Variants in MYO15B observed in about 807,000 individuals in gnomAD.
MYO15B encodes myosin XVB pseudogene.
In MYO15B, 207 loss-of-function variants were observed where a neutral mutation model predicts 119.3. That is an observed-to-expected ratio of 1.73 (90% CI 1.55 to 1.95). The LOEUF is 1.95. Among genes scored for constraint, MYO15B ranks in the 30% most tolerant of loss-of-function variants. The probability of loss-of-function intolerance (pLI) is 0.00; values close to 1 mark genes in which losing one functional copy is unlikely to be tolerated. For missense variants in MYO15B, 2,264 were observed against 1,203.1 expected (o/e 1.88, Z -13.04); for synonymous variants, 966 against 498.9 (o/e 1.94, Z -12.48).
intron 52 of MYO15B, 43 bp downstream of exon 52, chr17:75,621,613 C>G: frequency 2.9e-6 from 2 of 690,986 alleles, no homozygotes; most frequent in Non-Finnish European, 5.3e-6. Context: ...TCTGCAGTGC[C>G]ATGAACCTGG....
intron 4 of MYO15B, 115 bp from the exon 5 acceptor site, chr17:75,591,486 T>G: frequency 1.5e-6 from 1 of 662,056 alleles, no homozygotes. Flanking sequence ...TCCACATTTA[T>G]GGGGGTCTCT....
intron 9 of MYO15B, among the ~76,000 whole-genome samples, chr17:75,593,330 C>G (rs1216080807): frequency 6.6e-6 from 1 of 151,078 alleles, no homozygotes; most frequent in Non-Finnish European, 1.5e-5. Flanking sequence ...ATGGCAAAAT[C>G]TTGTCTCTAC....
chr17:75,611,967 C>A (rs1278608406), exon 25 of MYO15B: 1 of 703,048 alleles, frequency 1.4e-6, no homozygotes, highest in Admixed American at 2.0e-5. Context: ...ACTCTCCCAG[C>A]AGACATTGAC....
chr17:75,610,746 G>A (rs1286293043), intron 22 of MYO15B, 154 bp from the exon 23 acceptor site: 1 of 624,242 alleles, frequency 1.6e-6, no homozygotes, highest in Admixed American at 2.4e-5. Context: ...GGGCCCTGGA[G>A]GGCCAGGGGT....
chr17:75,613,189 C>T, exon 27 of MYO15B: 1 of 697,920 alleles, frequency 1.4e-6, no homozygotes, highest in Non-Finnish European at 2.6e-6. Flanking sequence ...CACTGCCTGT[C>T]CTACAGAAGC....
At chr17:75,616,287 T>G in intron 37 of MYO15B, 25 bp from the exon 38 acceptor site, 1 of 598,636 alleles carries the variant, frequency 1.7e-6, no homozygotes. Context: ...ATGGGTAACT[T>G]TGAAGGCCAT....
rs942321537 is a variant in MYO15B, at chr17:75,589,005, C to A, written c.948C>A (p.Gly316=). 1.5e-5 allele frequency: 6 copies of A among 397,738 alleles called. No individual in the cohort carries two copies. The highest frequency in any genetic ancestry group is 2.2e-5 in the Non-Finnish European group (5 of 225,538). The allele number at this position is 397,738 out of a possible 1,614,324, so 24.6% of individuals were successfully genotyped here. A position where few individuals can be genotyped will look rare whatever the true frequency, so the allele number is the denominator to read the frequency against. Residue 316 remains glycine (G), a synonymous_variant, in exon 1 of 64, where the codon GGC becomes GGA. Transcript: ENST00000645453. The surrounding 1 kb of genome is among the most constrained non-coding windows in gnomAD (Gnocchi z 4.2). ...TGGGGCAGGTGCCAGCGGCGGCAGG[C>A]GAGGGCGAAGCGGGAGCCGCAGCAG...
At chr17:75,621,620 C>A (rs1056250094) in intron 52 of MYO15B, 50 bp downstream of exon 52, 23 of 686,888 alleles carry the variant, frequency 3.3e-5, no homozygotes, top group Admixed American at 2.0e-4. Context: ...TGCCATGAAC[C>A]TGGGTGTCTG....
At chr17:75,616,956 C>T in exon 40 of MYO15B, 1 of 702,934 alleles carries the variant, frequency 1.4e-6, no homozygotes, top group South Asian at 1.5e-5. Flanking sequence ...CCACTCGTCC[C>T]CGCCGGTGAG....
At chr17:75,606,491 G>A (rs1320623684) in intron 21 of MYO15B, among the ~76,000 whole-genome samples, 1 of 88,586 alleles carries the variant, frequency 1.1e-5, no homozygotes, top group East Asian at 3.4e-4. Context: ...ATTTTTTTTT[G>A]AGATGGAGTT....
At chr17:75,617,200 A>G (rs533280355) in exon 41 of MYO15B, 1 of 697,640 alleles carries the variant, frequency 1.4e-6, no homozygotes, top group African/African-American at 1.8e-5. Flanking sequence ...CCCCTTCTGG[A>G]CCTGTTTGGC....
At chr17:75,607,465 A>ATTT (rs869029821) in intron 21 of MYO15B, among the ~76,000 whole-genome samples, 8 of 115,404 alleles carry the variant, frequency 6.9e-5, no homozygotes, top group African/African-American at 2.5e-4. Flanking sequence ...TATTATTATT[A>ATTT]TTTGAGATGG....
intron 58 of MYO15B, 50 bp downstream of exon 58, chr17:75,624,689 G>T (rs1445953532): frequency 2.8e-6 from 2 of 702,840 alleles, no homozygotes; most frequent in African/African-American, 3.5e-5. Context: ...CTGCCCAGGG[G>T]TGAGGTGGTT....
In MYO15B at chr17:75,625,239, G is replaced by T; in HGVS notation, c.8804+1G>T. ...AGGCCAACAGGAATACCCCCTCAGGGTGAGTGGAGGCACCTCCCGCCCCTA... is the reference window on the plus strand; with the variant it reads ...AGGCCAACAGGAATACCCCCTCAGGTTGAGTGGAGGCACCTCCCGCCCCTA... On this transcript the variant is annotated splice_donor_variant, in intron 60 of 63. Coordinates refer to ENST00000645453, the Ensembl canonical transcript of MYO15B. LOFTEE classifies it high-confidence loss of function. 1.4e-6 allele frequency: 1 copy of T among 698,084 alleles called. No individual in the cohort carries two copies. The highest frequency in any genetic ancestry group is 2.0e-5 in the Admixed American group (1 of 49,436). 43.2% of individuals were successfully genotyped at this position (698,084 alleles called of 1,614,324 possible). A position where few individuals can be genotyped will look rare whatever the true frequency, so the allele number is the denominator to read the frequency against.
exon 57 of MYO15B, chr17:75,624,394 C>T: frequency 1.4e-6 from 1 of 702,528 alleles, no homozygotes; most frequent in Non-Finnish European, 2.6e-6. Flanking sequence ...TCGCCTGCTT[C>T]TTATTCACCT....
exon 41 of MYO15B, chr17:75,617,134 G>C (rs975032041): frequency 1.5e-6 from 1 of 682,286 alleles, no homozygotes; most frequent in South Asian, 1.5e-5. Flanking sequence ...GTGGCTCCTC[G>C]ACCCAAGGCC....
chr17:75,614,467 C>A (rs1229937526), intron 30 of MYO15B, 107 bp downstream of exon 30: 2 of 661,070 alleles, frequency 3.0e-6, no homozygotes, highest in Non-Finnish European at 5.5e-6. Flanking sequence ...GCCCAGCCCT[C>A]CCACCCAGCC....
chr17:75,588,873 T>G (rs1182505488), exon 1 of MYO15B: 2 of 398,246 alleles, frequency 5.0e-6, no homozygotes, highest in Admixed American at 4.4e-5. Flanking sequence ...CTCGGGACAC[T>G]GGGCCGGCCA....
At chr17:75,591,309 GCCTGAGGT>G (rs776904765) in intron 4 of MYO15B, 63 bp downstream of exon 4, 2 of 691,320 alleles carry the variant, frequency 2.9e-6, no homozygotes, top group Non-Finnish European at 5.3e-6. Flanking sequence ...ATGGGGCGGG[GCCTGAGGT>G]CTTCACTGGA....
Sources: allele counts gnomAD v4.1 joint callset (sites outside exome capture counted in the v4.1 genomes callset), GRCh38; gene constraint gnomAD v4.1.1; non-coding constraint Gnocchi (gnomAD v3.1); transcripts MANE v1.5; gene names NCBI Gene and HGNC (gene_info 2026-07-23, HGNC 2026-07-21).